The following APH1A variants were observed in gnomAD, a reference collection of about 807,000 sequenced individuals.
APH1A encodes the protein aph-1A gamma-secretase subunit.
APH1A carries 16 observed loss-of-function variants against 30.3 expected under a neutral mutation model. That is an observed-to-expected ratio of 0.53 (90% CI 0.36 to 0.80). The LOEUF (loss-of-function observed/expected upper bound fraction) is 0.80. Ranked by LOEUF, APH1A falls within the 30% of genes least tolerant of loss-of-function variation. The pLI is 0.01. For synonymous variants in APH1A, 144 were observed against 140.1 expected (o/e 1.03, Z -0.20); for missense variants, 245 against 337.8 (o/e 0.73, Z 2.15).
chr1:150,266,803 G>A (rs1572086351), intron 5 of APH1A, 147 bp from the exon 6 acceptor site: 1 of 1,142,966 alleles, frequency 8.7e-7, no homozygotes, highest in East Asian at 2.6e-5. Flanking sequence ...TGGTTAAGGG[G>A]ACTTTTGATT....
chr1:150,267,375 G>C lies in APH1A; in HGVS notation c.462C>G (p.Pro154=), dbSNP rs1572087587. The C allele has an allele frequency of 6.2e-7, 1 of 1,614,148 alleles. No individual in the cohort carries two copies. Among genetic ancestry groups the C allele is most frequent in the Admixed American group, 1.7e-5 (1 of 60,024 alleles). ...TCTTACCTGAAGTCAGGAAGTAATA[G>C]GGTGAGTCTCCATGGATCCCAACCA... ...PGVVGIHGDS[P]YYFLTSAFLT... is the part of the protein sequence containing the mutation. The change falls in exon 4 of 7, where the codon CCC becomes CCG. Residue 154 remains proline (P), a synonymous_variant. Transcript: ENST00000369109.
Position 150,267,496 on chromosome 1 carries a change from C to T in APH1A, c.359-18G>A, listed in dbSNP as rs1651829332. 4.3e-6 allele frequency: 7 copies of T among 1,613,386 alleles called. No homozygotes were observed. The highest frequency in any genetic ancestry group is 5.9e-6 in the Non-Finnish European group (7 of 1,179,592). ...ACCAGAAACTGGGGGAAGGGAGGAT[C>T]TCATCAATGTCAGAGATCACACTAT... On this transcript the variant is annotated intron_variant, in intron 3 of 6. Transcript: ENST00000369109.
At chr1:150,266,783 C>A in intron 5 of APH1A, 127 bp from the exon 6 acceptor site, 1 of 1,241,390 alleles carries the variant, frequency 8.1e-7, no homozygotes, top group Non-Finnish European at 1.1e-6. Context: ...TTCAGAGCAC[C>A]AACATCTTGT....
rs782320730 is a variant in APH1A, at chr1:150,268,851, CAG to C, written c.-43_-42del. On this transcript the variant is annotated 5_prime_UTR_variant, in exon 1 of 7. Coordinates refer to ENST00000369109, the MANE Select transcript of APH1A (RefSeq NM_001077628.3). ...AAGGGGGGTGGGGGCCTGACCAGGA[CAG>C]GCAAATGGGAGGGGCGCGCCAGCTG... 3.2e-6 allele frequency: 5 copies of C among 1,563,830 alleles called. No homozygotes were observed. Among genetic ancestry groups the C allele is most frequent in the African/African-American group, 1.4e-5 (1 of 73,974 alleles).
At position 150,267,637 on chromosome 1, in the gene APH1A, G is replaced by C. The variant is rs16835635; in HGVS notation, c.358+79C>G. On this transcript the variant is annotated intron_variant, in intron 3 of 6. Coordinates refer to ENST00000369109, the MANE Select transcript of APH1A (RefSeq NM_001077628.3). ...ATGAAGGAAAGTAAGAAGCCACTTA[G>C]AACATGTGGATATTTAGAGACTTCC... The C allele has an allele frequency of 1.5e-4, 239 of 1,569,878 alleles. 1 individual carries two copies. The African/African-American group carries it at 2.8e-3, about 18-fold the overall frequency.
Position 150,267,811 on chromosome 1 carries a change from G to T in APH1A, c.285-22C>A, listed in dbSNP as rs200370221. The T allele has an allele frequency of 6.2e-6, 10 of 1,608,800 alleles. No individual in the cohort carries two copies. The South Asian group carries it at 9.9e-5, about 16-fold the overall frequency. On this transcript the variant is annotated intron_variant, in intron 2 of 6. Coordinates refer to ENST00000369109, the MANE Select transcript of APH1A (RefSeq NM_001077628.3). ...CTTCCTGGGGTGGGGTGGGGTAGGG[G>T]AAACATGAGGGAGGGCAGGGATGCT...
At chr1:150,267,564 C>A (rs1651837594) in intron 3 of APH1A, 86 bp from the exon 4 acceptor site, 10 of 1,589,060 alleles carry the variant, frequency 6.3e-6, no homozygotes, top group South Asian at 1.1e-5. Context: ...GGTTACAATT[C>A]TTTCACATCT....
rs782355078 is a variant in APH1A at position 150,266,192 on chromosome 1, G to A, written c.736C>T (p.Arg246Ter). 3.8e-6 allele frequency: 6 copies of A among 1,599,380 alleles called. No individual in the cohort carries two copies. Among genetic ancestry groups the A allele is most frequent in the Admixed American group, 3.4e-5 (2 of 57,990 alleles). The change falls in exon 7 of 7, where the codon CGA becomes TGA. Residue 246 changes from arginine to a stop codon, truncating the protein, a stop_gained and splice_region_variant. Coordinates refer to ENST00000369109, the MANE Select transcript of APH1A (RefSeq NM_001077628.3). LOFTEE classifies it high-confidence loss of function. ...ATCACCCGACTGTCCTCCTGCCGTC[G>A]GCCTGCAGAGGGGAAGGGAGGTGAG... ...LRSIQRSLLCRRQEDSRVMVY... is the reference protein window; with the variant it reads ...LRSIQRSLLC
intron 3 of APH1A, 24 bp downstream of exon 3, chr1:150,267,692 T>A: frequency 6.2e-7 from 1 of 1,605,194 alleles, no homozygotes. Context: ...AACTCCCTCC[T>A]CCAGTCCCTC....
chr1:150,267,711 C>G lies in APH1A; in HGVS notation c.358+5G>C. ...CCCTCCTCCAGTCCCTCTCCCTTGG[C>G]TCACCATAGGCCATCTGGCGGATGG... On this transcript the variant is annotated splice_donor_5th_base_variant and intron_variant, in intron 3 of 6. Transcript: ENST00000369109. 2 of 1,610,204 alleles carry G rather than the reference C, an allele frequency of 1.2e-6. No homozygotes were observed. The highest frequency in any genetic ancestry group is 1.7e-6 in the Non-Finnish European group (2 of 1,178,174).
rs1196802916 is a variant in APH1A at position 150,267,892 on chromosome 1, G to T, written c.284+65C>A. The T allele has an allele frequency of 5.6e-6, 9 of 1,611,972 alleles. No homozygotes were observed. The East Asian group carries it at 6.7e-5, about 12-fold the overall frequency. On this transcript the variant is annotated intron_variant, in intron 2 of 6. Transcript: ENST00000369109. ...TCCTCTTCCAAACCAGCACCCAGGG[G>T]CTGCCCCACTTCCCATAGTGCAGTC...
chr1:150,267,326 G>A (rs1415195385), intron 4 of APH1A, 30 bp downstream of exon 4: 2 of 1,613,836 alleles, frequency 1.2e-6, no homozygotes, highest in African/African-American at 1.3e-5. Flanking sequence ...ATGGATGGGG[G>A]GTAAAGGCTA....
In APH1A at chr1:150,266,545, G is replaced by C. The variant is rs782658182; in HGVS notation, c.721C>G (p.Arg241Gly). The C allele has an allele frequency of 1.2e-6, 2 of 1,614,024 alleles. No individual in the cohort carries two copies. The highest frequency in any genetic ancestry group is 1.7e-6 in the Non-Finnish European group (2 of 1,180,036). ...TAGGSLRSIQ[R>G]SLLCRRQEDS... ...AGTCAGTCCTTACACAAGAGGCTGC[G>C]CTGAATACTTCGGAGGGACCCTCCA... Residue 241 changes from arginine (R) to glycine (G), a missense_variant, in exon 6 of 7, where the codon CGC becomes GGC. By Grantham distance (125) the Arg-to-Gly change is moderately radical (BLOSUM62 -2). Coordinates refer to ENST00000369109, the MANE Select transcript of APH1A (RefSeq NM_001077628.3).
chr1:150,268,815 G>T lies in APH1A; in HGVS notation c.-5C>A. The T allele has an allele frequency of 1.2e-6, 2 of 1,610,534 alleles. No individual in the cohort carries two copies. Among genetic ancestry groups the T allele is most frequent in the South Asian group, 1.1e-5 (1 of 90,652 alleles). ...GAAAAACACCGCAGCCCCCATGGCT[G>T]GTCAGGTGGGAAGGGGGGTGGGGGC... On this transcript the variant is annotated 5_prime_UTR_variant, in exon 1 of 7. Transcript: ENST00000369109.
At chr1:150,266,927 T>C (rs1651773599) in intron 5 of APH1A, 148 bp downstream of exon 5, 1 of 1,308,152 alleles carries the variant, frequency 7.6e-7, no homozygotes, top group African/African-American at 1.5e-5. Flanking sequence ...ATAGAAATGA[T>C]GCTGAGGTGA....
intron 4 of APH1A, 54 bp from the exon 5 acceptor site, chr1:150,267,256 TGA>T (rs1651804344): frequency 6.2e-7 from 1 of 1,613,024 alleles, no homozygotes; most frequent in African/African-American, 1.3e-5. Context: ...CCCAGGCTCC[TGA>T]GATGTTGAGC....
chr1:150,266,215 G>A (rs1553849812), intron 6 of APH1A, 21 bp from the exon 7 acceptor site: 2 of 1,588,438 alleles, frequency 1.3e-6, no homozygotes, highest in African/African-American at 2.7e-5. Context: ...GAAGGGAGGT[G>A]AGTCTTGGGC....
At chr1:150,267,692 T>C in intron 3 of APH1A, 24 bp downstream of exon 3, 2 of 1,605,196 alleles carry the variant, frequency 1.2e-6, no homozygotes, top group South Asian at 1.1e-5. Context: ...AACTCCCTCC[T>C]CCAGTCCCTC....
chr1:150,267,028 C>A, intron 5 of APH1A, 47 bp downstream of exon 5: 1 of 1,611,162 alleles, frequency 6.2e-7, no homozygotes, highest in Non-Finnish European at 8.5e-7. Context: ...ATCCCACTCA[C>A]CATTAAATGC....
Sources: gnomAD v4.1 joint callset for allele counts on GRCh38, gnomAD v4.1.1 for gene constraint, MANE v1.5 for transcripts, NCBI Gene and HGNC (gene_info 2026-07-23, HGNC 2026-07-21) for gene names.